Variants in RSRC1 observed in about 807,000 individuals in gnomAD.
RSRC1 encodes the protein arginine and serine rich coiled-coil 1, also known as serine/Arginine-related protein 53.
A neutral mutation model predicts 49.1 loss-of-function variants in RSRC1; 39 were observed. That is an observed-to-expected ratio of 0.79 (90% CI 0.61 to 1.04). The LOEUF is 1.04. RSRC1 is among the 50% of genes least tolerant of loss of function. The pLI, the probability that RSRC1 is intolerant of heterozygous loss-of-function variation, is 0.00. For synonymous variants in RSRC1, 143 were observed against 130.8 expected (o/e 1.09, Z -0.63); for missense variants, 388 against 402.4 (o/e 0.96, Z 0.31).
chr3:158,343,161 C>G (rs888131687), intron 5 of RSRC1, among the ~76,000 whole-genome samples: 1 of 152,318 alleles, frequency 6.6e-6, no homozygotes, highest in South Asian at 2.1e-4. Context: ...CTGGTACTCA[C>G]ACACAGTTCC....
intron 7 of RSRC1, among the ~76,000 whole-genome samples, chr3:158,517,755 ATTTTTTTTTTTTTT>A (rs766129663): frequency 2.3e-4 from 8 of 35,196 alleles, no homozygotes; most frequent in South Asian, 3.2e-3. Context: ...CACCCAGCTA[ATTTTTTTTTTTTTT>A]TTTTTTTTTT....
At chr3:158,255,926 T>C (rs1724522907) in intron 4 of RSRC1, among the ~76,000 whole-genome samples, 1 of 152,200 alleles carries the variant, frequency 6.6e-6, no homozygotes, top group Non-Finnish European at 1.5e-5. Context: ...CCTGAGGCCT[T>C]GCTGAAGTTG....
intron 6 of RSRC1, among the ~76,000 whole-genome samples, chr3:158,440,662 A>T (rs1736334260): frequency 6.6e-6 from 1 of 152,130 alleles, no homozygotes; most frequent in African/African-American, 2.4e-5. Flanking sequence ...TAGAGAAACC[A>T]GTTGGGCGCA....
chr3:158,516,346 G>A (rs1483259676), intron 7 of RSRC1, among the ~76,000 whole-genome samples: 5 of 151,900 alleles, frequency 3.3e-5, no homozygotes, highest in Admixed American at 1.3e-4. Flanking sequence ...GTCTGTTGGA[G>A]TACCCGGCCG....
intron 6 of RSRC1, among the ~76,000 whole-genome samples, chr3:158,397,323 CAT>C (rs1733665600): frequency 6.6e-6 from 1 of 152,140 alleles, no homozygotes. Context: ...CTAGCCATAA[CAT>C]AGAGTATATA....
chr3:158,410,580 A>G (rs1734407285), intron 6 of RSRC1, among the ~76,000 whole-genome samples: 1 of 152,158 alleles, frequency 6.6e-6, no homozygotes, highest in African/African-American at 2.4e-5. Context: ...TTTGTATACC[A>G]TGTCTTCAAC....
chr3:158,411,224 G>T (rs1406974175), intron 6 of RSRC1, among the ~76,000 whole-genome samples: 1 of 152,060 alleles, frequency 6.6e-6, no homozygotes, highest in Non-Finnish European at 1.5e-5. Flanking sequence ...GTTGTTGTCA[G>T]TTTGATGCTA....
intron 4 of RSRC1, among the ~76,000 whole-genome samples, chr3:158,222,606 C>T (rs827806): frequency 5.3e-5 from 8 of 151,110 alleles, no homozygotes; most frequent in Non-Finnish European, 8.9e-5. Flanking sequence ...TATTCATTCT[C>T]CGTCCCCCAC....
intron 5 of RSRC1, among the ~76,000 whole-genome samples, chr3:158,337,902 A>ATTACATGTAC (rs1386915089): frequency 2.6e-5 from 4 of 152,232 alleles, no homozygotes; most frequent in Admixed American, 6.5e-5. Context: ...TTACATGGAG[A>ATTACATGTAC]AGGATTACAT....
intron 6 of RSRC1, among the ~76,000 whole-genome samples, chr3:158,423,128 G>A (rs1027934028): frequency 5.1e-4 from 78 of 151,796 alleles, no homozygotes; most frequent in Non-Finnish European, 6.9e-4. Flanking sequence ...TGCTTTTGGT[G>A]TTTTAGACAT....
intron 7 of RSRC1, among the ~76,000 whole-genome samples, chr3:158,533,722 A>G (rs1712548460): frequency 6.6e-6 from 1 of 151,800 alleles, no homozygotes; most frequent in African/African-American, 2.4e-5. Flanking sequence ...GTGACTGTGA[A>G]ATAATTCTAG....
At chr3:158,459,012 T>C (rs1737484401) in intron 6 of RSRC1, among the ~76,000 whole-genome samples, 3 of 152,120 alleles carry the variant, frequency 2.0e-5, no homozygotes, top group Admixed American at 2.0e-4. Flanking sequence ...TCAGATTCTT[T>C]ATGGAGGACA....
intron 3 of RSRC1, among the ~76,000 whole-genome samples, chr3:158,145,894 A>G (rs553667778): frequency 1.3e-5 from 2 of 152,256 alleles, no homozygotes; most frequent in South Asian, 2.1e-4. Flanking sequence ...CTTTGAAGCA[A>G]TTGTGAATGG....
intron 4 of RSRC1, among the ~76,000 whole-genome samples, chr3:158,291,195 T>A (rs1383310078): frequency 6.6e-6 from 1 of 152,156 alleles, no homozygotes; most frequent in East Asian, 1.9e-4. Flanking sequence ...CTTAAAAAAA[T>A]TATTTTTAAT....
At chr3:158,471,344 C>A (rs1738126579) in intron 7 of RSRC1, among the ~76,000 whole-genome samples, 1 of 152,094 alleles carries the variant, frequency 6.6e-6, no homozygotes, top group African/African-American at 2.4e-5. Context: ...ATTTTTCCAT[C>A]CGTGGAAGAA....
intron 4 of RSRC1, among the ~76,000 whole-genome samples, chr3:158,226,507 C>T (rs1261888598): frequency 6.6e-6 from 1 of 151,898 alleles, no homozygotes; most frequent in African/African-American, 2.4e-5. Flanking sequence ...CATTGGTTCC[C>T]ACCTTGGTTC....
intron 5 of RSRC1, among the ~76,000 whole-genome samples, chr3:158,354,327 A>G (rs543901525): frequency 6.6e-6 from 1 of 152,278 alleles, no homozygotes; most frequent in East Asian, 1.9e-4. Flanking sequence ...ACTATATTGA[A>G]TCAAGGTTCA....
chr3:158,122,895 C>T (rs185680474), intron 2 of RSRC1, among the ~76,000 whole-genome samples: 1 of 152,332 alleles, frequency 6.6e-6, no homozygotes, highest in African/African-American at 2.4e-5. Context: ...TATGTGCCTA[C>T]AAAGGATGTG....
chr3:158,181,240 G>A lies in RSRC1; in HGVS notation c.321-21832G>A, dbSNP rs2108252734. On this transcript the variant is annotated intron_variant, in intron 3 of 9. Transcript: ENST00000611884. ...TTTTCTTGAACTGTGCTAGCAACTAGATGTTAATTAGGGCTCTGAGGACAA... is the reference window on the plus strand; with the variant it reads ...TTTTCTTGAACTGTGCTAGCAACTAAATGTTAATTAGGGCTCTGAGGACAA... Among the ~76,000 whole-genome samples, 2 of 152,280 alleles carry A rather than the reference G, an allele frequency of 1.3e-5. 1 individual carries two copies. Among genetic ancestry groups the A allele is most frequent in the Middle Eastern group, 6.8e-3 (2 of 294 alleles).
Sources: allele counts gnomAD v4.1 joint callset (sites outside exome capture counted in the v4.1 genomes callset), GRCh38; gene constraint gnomAD v4.1.1; transcripts MANE v1.5; gene names NCBI Gene and HGNC (gene_info 2026-07-23, HGNC 2026-07-21).